Variants in TMEM232 observed in about 807,000 individuals in gnomAD.
The protein encoded by TMEM232 is transmembrane protein 232.
In TMEM232, 80 loss-of-function variants were observed where a neutral mutation model predicts 78.8. That is an observed-to-expected ratio of 1.01 (90% CI 0.85 to 1.22). The LOEUF is 1.22. Among genes scored for constraint, TMEM232 ranks in the 50% most tolerant of loss-of-function variants. The pLI is 0.00. For synonymous variants in TMEM232, 297 were observed against 254.3 expected (o/e 1.17, Z -1.60); for missense variants, 881 against 742.2 (o/e 1.19, Z -2.17).
upstream of TMEM232, among the ~76,000 whole-genome samples, chr5:110,727,964 G>C (rs1798319603): frequency 1.3e-5 from 2 of 152,108 alleles, no homozygotes; most frequent in South Asian, 2.1e-4. Flanking sequence ...AATAGCCTGG[G>C]GGCTTGCTTG....
At position 110,712,092 on chromosome 5, in the gene TMEM232, C is replaced by T. The variant is rs536033166; in HGVS notation, c.-13+14535G>A. Among the ~76,000 whole-genome samples, 243 of 119,500 alleles carry T rather than the reference C, an allele frequency of 2.0e-3. 1 individual carries two copies. The highest frequency in any genetic ancestry group is 7.7e-3 in the African/African-American group (224 of 28,936). 78.4% of individuals were successfully genotyped at this position (119,500 alleles called of 152,430 possible). A position where few individuals can be genotyped will look rare whatever the true frequency, so the allele number is the denominator to read the frequency against. ...ACTCCAGCCTGGGGGACAGACAGAG[C>T]GAGACTCAATCTCAAAAAAAAAAAA... On this transcript the variant is annotated intron_variant, in intron 1 of 13. Coordinates refer to ENST00000455884, the MANE Select transcript of TMEM232 (RefSeq NM_001039763.4).
intron 12 of TMEM232, among the ~76,000 whole-genome samples, chr5:110,523,966 A>G (rs867886427): frequency 0.047 from 1,919 of 41,022 alleles, 30 homozygotes; most frequent in Non-Finnish European, 0.068. Flanking sequence ...AAAAAAAAAA[A>G]GGGGGGGGGG....
intron 13 of TMEM232, among the ~76,000 whole-genome samples, chr5:110,420,991 A>G (rs1480192633): frequency 6.6e-6 from 1 of 151,876 alleles, no homozygotes; most frequent in African/African-American, 2.4e-5. Flanking sequence ...AAAAAAAACA[A>G]TAAAAAAGAA....
At chr5:110,552,572 G>A (rs1418392354) in intron 11 of TMEM232, among the ~76,000 whole-genome samples, 1 of 152,014 alleles carries the variant, frequency 6.6e-6, no homozygotes, top group East Asian at 1.9e-4. Context: ...TCCACAGGCA[G>A]CTAATGTACA....
chr5:110,435,917 T>C (rs1325162545), intron 12 of TMEM232, among the ~76,000 whole-genome samples: 1 of 151,994 alleles, frequency 6.6e-6, no homozygotes, highest in African/African-American at 2.4e-5. Context: ...CTGCAACAAA[T>C]ATTGGAGTGT....
At chr5:110,400,766 A>C (rs1755562823) in intron 2 of TMEM232, among the ~76,000 whole-genome samples, 1 of 152,134 alleles carries the variant, frequency 6.6e-6, no homozygotes, top group South Asian at 2.1e-4. Flanking sequence ...GCTTCTACTT[A>C]GACACACTAA....
intron 12 of TMEM232, among the ~76,000 whole-genome samples, chr5:110,506,427 A>G (rs943274201): frequency 2.0e-5 from 3 of 152,178 alleles, no homozygotes; most frequent in Admixed American, 6.6e-5. Flanking sequence ...CTAAATGCAA[A>G]TGGACTGAGA....
chr5:110,597,550 C>A (rs1486205510), intron 10 of TMEM232, among the ~76,000 whole-genome samples: 1 of 151,528 alleles, frequency 6.6e-6, no homozygotes, highest in African/African-American at 2.4e-5. Context: ...GAGCCCGCAT[C>A]GCCAAGTCAA....
At chr5:110,643,907 C>G (rs145485663) in intron 2 of TMEM232, among the ~76,000 whole-genome samples, 1,521 of 151,980 alleles carry the variant, frequency 0.01, 34 homozygotes, top group African/African-American at 0.034. Context: ...AATAATCAAC[C>G]CTTTAACTGC....
chr5:110,714,050 A>G (rs1401225943), intron 1 of TMEM232, among the ~76,000 whole-genome samples: 3 of 152,174 alleles, frequency 2.0e-5, no homozygotes, highest in Admixed American at 6.6e-5. Flanking sequence ...AAATTTTGCA[A>G]TACTTTCTAA....
intron 8 of TMEM232, among the ~76,000 whole-genome samples, chr5:110,615,002 A>T (rs1049664435): frequency 7.9e-5 from 12 of 151,962 alleles, no homozygotes; most frequent in Non-Finnish European, 1.8e-4. Context: ...CTTTATTTTT[A>T]AAATGTAAAA....
At chr5:110,521,921 A>G (rs1769576036) in intron 12 of TMEM232, among the ~76,000 whole-genome samples, 1 of 152,178 alleles carries the variant, frequency 6.6e-6, no homozygotes, top group African/African-American at 2.4e-5. Flanking sequence ...CTTCCTTCTC[A>G]AGATTGATTT....
chr5:110,417,314 C>A (rs2112593248), downstream of TMEM232, among the ~76,000 whole-genome samples: 1 of 152,240 alleles, frequency 6.6e-6, no homozygotes. Context: ...CTCTATTTTT[C>A]TCCTATCAAC....
intron 1 of TMEM232, among the ~76,000 whole-genome samples, chr5:110,695,291 G>A (rs546405968): frequency 0.015 from 2,306 of 152,154 alleles, 48 homozygotes; most frequent in African/African-American, 0.041. Flanking sequence ...TCTCTGGGAC[G>A]CATTCAAAGC....
At chr5:110,653,835 A>T (rs1788658944) in intron 2 of TMEM232, among the ~76,000 whole-genome samples, 1 of 152,182 alleles carries the variant, frequency 6.6e-6, no homozygotes, top group South Asian at 2.1e-4. Context: ...AAGGTTTATA[A>T]TCCAAAAGGA....
At chr5:110,516,669 G>T (rs1420423122) in intron 12 of TMEM232, among the ~76,000 whole-genome samples, 1 of 151,812 alleles carries the variant, frequency 6.6e-6, no homozygotes, top group Admixed American at 6.6e-5. Flanking sequence ...TTAAAGAAAA[G>T]TAAAAAACAT....
intron 11 of TMEM232, among the ~76,000 whole-genome samples, chr5:110,564,598 T>C (rs923601653): frequency 6.6e-6 from 1 of 151,946 alleles, no homozygotes; most frequent in Non-Finnish European, 1.5e-5. Context: ...AGTGAATTAA[T>C]TTACGACCAG....
intron 12 of TMEM232, among the ~76,000 whole-genome samples, chr5:110,460,817 T>C (rs770131674): frequency 8.5e-5 from 13 of 152,132 alleles, no homozygotes; most frequent in Non-Finnish European, 1.6e-4. Flanking sequence ...TTCATTATCA[T>C]ATCTGATATG....
intron 7 of TMEM232, among the ~76,000 whole-genome samples, chr5:110,620,858 C>CTTTTTTTTTT (rs558332663): frequency 1.1e-5 from 1 of 87,450 alleles, no homozygotes; most frequent in African/African-American, 5.6e-5. Flanking sequence ...ATTTCAAGCG[C>CTTTTTTTTTT]TTTTTTTTTT....
Sources: allele counts gnomAD v4.1 joint callset (sites outside exome capture counted in the v4.1 genomes callset), GRCh38; gene constraint gnomAD v4.1.1; transcripts MANE v1.5; gene names NCBI Gene and HGNC (gene_info 2026-07-23, HGNC 2026-07-21).